Variants in IL1RAPL1 observed in about 807,000 individuals in gnomAD.
IL1RAPL1 encodes interleukin 1 receptor accessory protein like 1, also known as interleukin-1 receptor accessory protein-like 1.
Under a neutral mutation model 48.4 loss-of-function variants are expected in IL1RAPL1, and 3 were observed. The observed-to-expected ratio is 0.06, with a 90% CI of 0.03 to 0.16. The LOEUF (loss-of-function observed/expected upper bound fraction) is 0.16. Ranked by LOEUF, IL1RAPL1 falls within the 10% of genes least tolerant of loss-of-function variation. The pLI is 1.00. For missense variants in IL1RAPL1, 349 were observed against 530.6 expected, an observed-to-expected ratio of 0.66 and a Z score of 3.36; for synonymous variants, 185 against 187.7, an observed-to-expected ratio of 0.99 and a Z score of 0.12.
intron 1 of IL1RAPL1, among the ~76,000 whole-genome samples, chrX:28,641,030 C>T (rs781601569): frequency 9.1e-6 from 1 of 109,860 alleles, no homozygotes; most frequent in South Asian, 4.0e-4. Flanking sequence ...GCTAGGGCTG[C>T]AATCCTCTGA....
At chrX:29,739,346 T>A (rs1229912879) in intron 6 of IL1RAPL1, among the ~76,000 whole-genome samples, 2 of 111,642 alleles carry the variant, frequency 1.8e-5, no homozygotes, top group Admixed American at 9.5e-5. Context: ...AGAATTTTTT[T>A]AAATAATAAT....
intron 2 of IL1RAPL1, among the ~76,000 whole-genome samples, chrX:29,072,339 C>T (rs1482477093): frequency 9.0e-6 from 1 of 111,574 alleles, no homozygotes; most frequent in Non-Finnish European, 1.9e-5. Flanking sequence ...ATTACTGGCA[C>T]TTCACTCATA....
chrX:29,340,218 T>C (rs962664915), intron 3 of IL1RAPL1, among the ~76,000 whole-genome samples: 3 of 111,634 alleles, frequency 2.7e-5, no homozygotes, highest in Non-Finnish European at 5.6e-5. Flanking sequence ...AAGTGAAACA[T>C]TCAGTGGCAT....
chrX:29,297,570 C>T (rs1314367606), intron 3 of IL1RAPL1, among the ~76,000 whole-genome samples: 1 of 112,055 alleles, frequency 8.9e-6, no homozygotes, highest in African/African-American at 3.2e-5. Flanking sequence ...CTTATTTAGC[C>T]TGGAATCATG....
At chrX:29,481,061 A>G (rs1569320693) in intron 5 of IL1RAPL1, among the ~76,000 whole-genome samples, 1 of 112,419 alleles carries the variant, frequency 8.9e-6, no homozygotes, top group East Asian at 2.8e-4. Context: ...TTAGATGTTT[A>G]ATGATAAATA....
At chrX:28,977,165 A>G (rs1925225659) in intron 2 of IL1RAPL1, among the ~76,000 whole-genome samples, 1 of 112,413 alleles carries the variant, frequency 8.9e-6, no homozygotes, top group Non-Finnish European at 1.9e-5. Context: ...ATTAGATTTA[A>G]CAGCTTGGTA....
chrX:28,738,342 A>G (rs1301458966), intron 1 of IL1RAPL1, among the ~76,000 whole-genome samples: 3 of 112,104 alleles, frequency 2.7e-5, no homozygotes, highest in African/African-American at 9.7e-5. Flanking sequence ...ATTATGGGCC[A>G]TGCACTGATT....
chrX:28,858,864 A>G (rs1219444983), intron 2 of IL1RAPL1, among the ~76,000 whole-genome samples: 1 of 112,713 alleles, frequency 8.9e-6, no homozygotes, highest in Admixed American at 9.4e-5. Context: ...TTAAAAAATT[A>G]TCTGCAGAAG....
chrX:29,692,516 A>G (rs993130214), intron 6 of IL1RAPL1, among the ~76,000 whole-genome samples: 1 of 112,011 alleles, frequency 8.9e-6, no homozygotes, highest in Admixed American at 9.5e-5. Context: ...TTCTTACTGA[A>G]TAATTTTTCT....
chrX:28,969,680 G>A (rs1265213483), intron 2 of IL1RAPL1, among the ~76,000 whole-genome samples: 4 of 108,858 alleles, frequency 3.7e-5, no homozygotes, highest in South Asian at 4.0e-4. Context: ...AATGTCCACC[G>A]TTTTTCTCCC....
intron 6 of IL1RAPL1, among the ~76,000 whole-genome samples, chrX:29,727,924 T>G (rs1037753416): frequency 9.0e-6 from 1 of 111,129 alleles, no homozygotes; most frequent in African/African-American, 3.3e-5. Flanking sequence ...ATTCTTATTC[T>G]TCTTCTTGTT....
At chrX:28,982,248 T>C (rs1467415112) in intron 2 of IL1RAPL1, among the ~76,000 whole-genome samples, 1 of 112,255 alleles carries the variant, frequency 8.9e-6, no homozygotes, top group Non-Finnish European at 1.9e-5. Flanking sequence ...AACTCTTTGC[T>C]AATATCTATA....
intron 6 of IL1RAPL1, among the ~76,000 whole-genome samples, chrX:29,784,334 C>A (rs1929439416): frequency 9.0e-6 from 1 of 111,490 alleles, no homozygotes; most frequent in African/African-American, 3.3e-5. Context: ...TAAAATACAA[C>A]CATACCTTGG....
chrX:29,929,993 CT>C (rs979720620), intron 8 of IL1RAPL1, among the ~76,000 whole-genome samples: 13 of 111,980 alleles, frequency 1.2e-4, no homozygotes, highest in Admixed American at 1.1e-3. Context: ...CGGTAGACTG[CT>C]ACCACTGGCA....
intron 2 of IL1RAPL1, among the ~76,000 whole-genome samples, chrX:29,181,409 A>G (rs147193225): frequency 4.1e-3 from 460 of 112,058 alleles, no homozygotes; most frequent in African/African-American, 0.014. Flanking sequence ...ATCTAAACCT[A>G]TAATTTTTTA....
At chrX:29,101,214 A>G (rs749321976) in intron 2 of IL1RAPL1, among the ~76,000 whole-genome samples, 4 of 112,439 alleles carry the variant, frequency 3.6e-5, no homozygotes, top group African/African-American at 1.3e-4. Context: ...ATTAGAGGCT[A>G]CTATGAGCAA....
chrX:29,009,122 C>T (rs1926061588), intron 2 of IL1RAPL1, among the ~76,000 whole-genome samples: 1 of 112,345 alleles, frequency 8.9e-6, no homozygotes. Flanking sequence ...CGCATGTTCT[C>T]ACTTGTAAGT....
intron 5 of IL1RAPL1, among the ~76,000 whole-genome samples, chrX:29,611,563 A>G: frequency 9.0e-6 from 1 of 111,697 alleles, no homozygotes; most frequent in Middle Eastern, 4.7e-3. Flanking sequence ...GGACTTCCTG[A>G]GGGCTGTGTC....
chrX:28,693,027 G>C (rs1485357094), intron 1 of IL1RAPL1, among the ~76,000 whole-genome samples: 1 of 112,095 alleles, frequency 8.9e-6, no homozygotes, highest in Non-Finnish European at 1.9e-5. Flanking sequence ...ACCCACTGCT[G>C]TCAATTTTTT....
Sources: allele counts gnomAD v4.1 joint callset (sites outside exome capture counted in the v4.1 genomes callset), GRCh38; gene constraint gnomAD v4.1.1; transcripts MANE v1.5; gene names NCBI Gene and HGNC (gene_info 2026-07-23, HGNC 2026-07-21).